IFT74: variants seen among roughly 807,000 people sequenced by gnomAD.
The protein encoded by IFT74 is intraflagellar transport protein 74 homolog.
Under a neutral mutation model 96.7 loss-of-function variants are expected in IFT74, and 92 were observed. The ratio of observed to expected loss-of-function variants is 0.95; its 90% CI spans 0.80 to 1.13. IFT74 has a LOEUF of 1.13. Ranked by LOEUF, IFT74 falls within the 50% of genes most tolerant of loss-of-function variation. IFT74 has a pLI of 0.00. For missense variants in IFT74, 811 were observed against 698.2 expected (o/e 1.16, Z -1.82); for synonymous variants, 223 against 213.2 (o/e 1.05, Z -0.40).
intron 13 of IFT74, among the ~76,000 whole-genome samples, chr9:27,040,430 C>A (rs1461342946): frequency 6.6e-6 from 1 of 151,188 alleles, no homozygotes; most frequent in Non-Finnish European, 1.5e-5. Flanking sequence ...GTGCCTGTAG[C>A]CTCAGCTAGC....
At position 27,048,230 on chromosome 9, in the gene IFT74, C is replaced by A; in HGVS notation, c.1289C>A (p.Thr430Asn). 6.2e-7 allele frequency: 1 copy of A among 1,608,122 alleles called. No individual in the cohort carries two copies. The highest frequency in any genetic ancestry group is 2.2e-5 in the East Asian group (1 of 44,642). The stretch of plus-strand genomic sequence containing the variant: ...CAGGATGACCTCAATTTTAAATCTA[C>A]TGAAGTGCAGAAATCACAAAGTACA... ...MMQDDLNFKS[T>N]EVQKSQSTAQ... Residue 430 changes from threonine (T) to asparagine (N), a missense_variant, in exon 16 of 20, where the codon ACT becomes AAT. By Grantham distance (65) the Thr-to-Asn change is moderately conservative (BLOSUM62 0). Transcript: ENST00000380062.
intron 1 of IFT74, 107 bp from the exon 2 acceptor site, chr9:26,961,842 A>G (rs1178185953): frequency 8.5e-7 from 1 of 1,170,140 alleles, no homozygotes; most frequent in African/African-American, 1.5e-5. Flanking sequence ...ACAGAACGGC[A>G]GTTTGCAAGA....
intron 2 of IFT74, among the ~76,000 whole-genome samples, chr9:26,968,535 C>T (rs555495403): frequency 1.2e-4 from 19 of 152,222 alleles, no homozygotes; most frequent in African/African-American, 4.1e-4. Flanking sequence ...GTTGGGATTA[C>T]AGGCGTGAGC....
At chr9:26,975,520 C>G (rs71510409) in intron 2 of IFT74, among the ~76,000 whole-genome samples, 3 of 152,162 alleles carry the variant, frequency 2.0e-5, no homozygotes, top group Non-Finnish European at 2.9e-5. Flanking sequence ...CATTATCTTT[C>G]CAATATTTTA....
chr9:27,050,885 AAT>A (rs940905320), intron 16 of IFT74, among the ~76,000 whole-genome samples: 7 of 151,582 alleles, frequency 4.6e-5, no homozygotes, highest in African/African-American at 9.7e-5. Context: ...AAAGTATAAT[AAT>A]ATATATATAT....
chr9:26,969,247 C>A (rs1313862349), intron 2 of IFT74, among the ~76,000 whole-genome samples: 4 of 151,946 alleles, frequency 2.6e-5, no homozygotes, highest in Non-Finnish European at 5.9e-5. Context: ...TGGTTTTATT[C>A]CATTATGGTC....
chr9:27,017,007 G>GC lies in IFT74; in HGVS notation c.891dup (p.Ile298HisfsTer13). ...GATCAAATGATTGCAGAAGACAAAA[G>GC]CATAGGATCTCCAATGGAAGAGAGA... On this transcript the variant is annotated frameshift_variant, in exon 11 of 20. Transcript: ENST00000380062. LOFTEE classifies it high-confidence loss of function. 6.2e-7 allele frequency: 1 copy of GC among 1,609,382 alleles called. No individual in the cohort carries two copies. Among genetic ancestry groups the GC allele is most frequent in the Non-Finnish European group, 8.5e-7 (1 of 1,178,072 alleles).
At position 27,011,924 on chromosome 9, in the gene IFT74, C is replaced by A. The variant is rs752320019; in HGVS notation, c.745C>A (p.Gln249Lys). The stretch of plus-strand genomic sequence containing the variant: ...CACTTAGGAATTAGATACACTTCAA[C>A]AACAATTGGATTCACAGAACATGAA... ...KLLQELDTLQ[Q>K]QLDSQNMKKE... Residue 249 changes from glutamine (Q) to lysine (K), a missense_variant, in exon 10 of 20, where the codon CAA becomes AAA. Physicochemically the swap from Gln to Lys is moderately conservative, Grantham distance 53. Coordinates refer to ENST00000380062, the MANE Select transcript of IFT74 (RefSeq NM_025103.4). The A allele has an allele frequency of 6.3e-7, 1 of 1,575,054 alleles. No individual in the cohort carries two copies. The highest frequency in any genetic ancestry group is 8.6e-7 in the Non-Finnish European group (1 of 1,161,472).
chr9:27,028,951 C>G, intron 12 of IFT74, 74 bp from the exon 13 acceptor site: 1 of 1,346,672 alleles, frequency 7.4e-7, no homozygotes, highest in Non-Finnish European at 1.0e-6. Context: ...GAAAAGATAT[C>G]TAACCTCCCC....
intron 7 of IFT74, 97 bp from the exon 8 acceptor site, chr9:26,990,037 A>G: frequency 1.8e-6 from 1 of 553,806 alleles, no homozygotes; most frequent in Non-Finnish European, 3.1e-6. Context: ...GGATAATTAT[A>G]GTAATTTCTC....
At chr9:27,027,898 A>G (rs1441502337) in intron 12 of IFT74, among the ~76,000 whole-genome samples, 1 of 152,232 alleles carries the variant, frequency 6.6e-6, no homozygotes, top group Non-Finnish European at 1.5e-5. Flanking sequence ...CCAAGGTCAT[A>G]AAGACTATGT....
chr9:26,978,363 C>A, intron 3 of IFT74, 100 bp downstream of exon 3: 1 of 1,226,780 alleles, frequency 8.2e-7, no homozygotes, highest in Non-Finnish European at 1.1e-6. Flanking sequence ...ATATTTTGAA[C>A]AATAAGTATT....
intron 10 of IFT74, among the ~76,000 whole-genome samples, chr9:27,014,254 T>C (rs1829243478): frequency 6.6e-6 from 1 of 152,180 alleles, no homozygotes; most frequent in Non-Finnish European, 1.5e-5. Context: ...CTGTGTCTGG[T>C]TGTCCATCTA....
At chr9:27,008,744 C>A (rs570858198) in intron 8 of IFT74, among the ~76,000 whole-genome samples, 1 of 151,948 alleles carries the variant, frequency 6.6e-6, no homozygotes, top group Non-Finnish European at 1.5e-5. Context: ...TTTTGGTAAT[C>A]TTTGTGATTT....
intron 2 of IFT74, among the ~76,000 whole-genome samples, chr9:26,975,133 C>T (rs530251595): frequency 8.5e-5 from 13 of 152,162 alleles, no homozygotes; most frequent in South Asian, 4.2e-4. Context: ...AGACCTGAGG[C>T]GGCAGCAGCT....
intron 13 of IFT74, 119 bp downstream of exon 13, chr9:27,029,223 A>G (rs1161805052): frequency 1.6e-6 from 1 of 644,398 alleles, no homozygotes. Flanking sequence ...ATTCTCTATG[A>G]TATTACTAAC....
chr9:26,996,073 A>G (rs1384408154), intron 8 of IFT74, among the ~76,000 whole-genome samples: 1 of 152,190 alleles, frequency 6.6e-6, no homozygotes, highest in Non-Finnish European at 1.5e-5. Flanking sequence ...TATACTCGTT[A>G]AGATTTGTGA....
intron 3 of IFT74, among the ~76,000 whole-genome samples, chr9:26,979,615 A>T (rs1265384940): frequency 6.7e-6 from 1 of 149,988 alleles, no homozygotes; most frequent in South Asian, 2.1e-4. Context: ...CATAGACCTT[A>T]TAGTTAATAC....
chr9:27,052,550 C>T (rs1819976887), intron 16 of IFT74, among the ~76,000 whole-genome samples: 1 of 149,490 alleles, frequency 6.7e-6, no homozygotes, highest in Admixed American at 6.7e-5. Context: ...ATGTGTTCTC[C>T]TGAGATGTAC....
Sources: allele counts gnomAD v4.1 joint callset (sites outside exome capture counted in the v4.1 genomes callset), GRCh38; gene constraint gnomAD v4.1.1; transcripts MANE v1.5; gene names NCBI Gene and HGNC (gene_info 2026-07-23, HGNC 2026-07-21).